DOCK7: variants seen among roughly 807,000 people sequenced by gnomAD.
DOCK7 encodes dedicator of cytokinesis 7, also known as dedicator of cytokinesis protein 7.
In DOCK7, 138 loss-of-function variants were observed where a neutral mutation model predicts 271.0. The ratio of observed to expected loss-of-function variants is 0.51; its 90% CI spans 0.44 to 0.59. The LOEUF is 0.59. DOCK7 is among the 20% of genes least tolerant of loss of function. The probability of loss-of-function intolerance (pLI) is 0.00; values close to 1 mark genes in which losing one functional copy is unlikely to be tolerated. For missense variants in DOCK7, 2,066 were observed against 2,592.4 expected (o/e 0.80, Z 4.41); for synonymous variants, 823 against 876.1 (o/e 0.94, Z 1.07).
intron 31 of DOCK7, among the ~76,000 whole-genome samples, chr1:62,520,897 T>A (rs974058493): frequency 6.6e-6 from 1 of 152,134 alleles, no homozygotes; most frequent in Non-Finnish European, 1.5e-5. Flanking sequence ...ATGTGGCACA[T>A]ACACACCATG....
chr1:62,493,226 C>G (rs888609124), intron 40 of DOCK7, among the ~76,000 whole-genome samples: 7 of 152,078 alleles, frequency 4.6e-5, no homozygotes, highest in Non-Finnish European at 7.4e-5. Context: ...CTTGACTTAT[C>G]TAATGTACAC....
At chr1:62,623,013 A>AC (rs538948142) in intron 12 of DOCK7, among the ~76,000 whole-genome samples, 40 of 151,838 alleles carry the variant, frequency 2.6e-4, no homozygotes, top group Non-Finnish European at 4.3e-4. Flanking sequence ...GGCTCAAGCG[A>AC]CCCCCCAGCC....
rs66892340 is a variant in DOCK7, at chr1:62,553,032, C to CTTT, written c.2597-134_2597-132dup. The CTTT allele has an allele frequency of 0.21, 34,988 of 166,876 alleles. 4,193 individuals carry two copies. The highest frequency in any genetic ancestry group is 0.32 in the African/African-American group (7,236 of 22,490). 10.3% of individuals were successfully genotyped at this position (166,876 alleles called of 1,614,324 possible). On this transcript the variant is annotated intron_variant, in intron 21 of 49. Coordinates refer to ENST00000635253, the MANE Select transcript of DOCK7 (RefSeq NM_001367561.1). ...CTTTGGTTTCTAAATAAAAAATATACTTTTTTTTTTTTTTTTTTTTTGAGA... is the reference window on the plus strand; with the variant it reads ...CTTTGGTTTCTAAATAAAAAATATACTTTTTTTTTTTTTTTTTTTTTTTTGAGA...
At chr1:62,609,642 C>T (rs1180000503) in intron 14 of DOCK7, 1 of 152,134 alleles carries the variant, frequency 6.6e-6, no homozygotes, top group Non-Finnish European at 1.5e-5. Flanking sequence ...ACAAACGCTT[C>T]CTAACTGAAC....
At chr1:62,542,409 C>T (rs534461123) in intron 25 of DOCK7, among the ~76,000 whole-genome samples, 199 bp downstream of exon 25, 2 of 152,244 alleles carry the variant, frequency 1.3e-5, no homozygotes, top group South Asian at 2.1e-4. Flanking sequence ...AAATGAGCCT[C>T]ACTCTTAATT....
intron 34 of DOCK7, among the ~76,000 whole-genome samples, chr1:62,509,471 A>C (rs1024002759): frequency 6.6e-6 from 1 of 152,130 alleles, no homozygotes; most frequent in Non-Finnish European, 1.5e-5. Flanking sequence ...CCCTCAAAAC[A>C]CAGCAAGATA....
intron 10 of DOCK7, 66 bp from the exon 11 acceptor site, chr1:62,631,471 T>C (rs1379762084): frequency 2.2e-6 from 3 of 1,359,070 alleles, no homozygotes; most frequent in Non-Finnish European, 3.0e-6. Context: ...GGCTATTTCA[T>C]ACTACATAAA....
chr1:62,569,982 G>A (rs1223946551), intron 18 of DOCK7, among the ~76,000 whole-genome samples: 3 of 152,122 alleles, frequency 2.0e-5, no homozygotes, highest in Non-Finnish European at 4.4e-5. Context: ...CTAAAGTGCT[G>A]GGATTATAGG....
chr1:62,597,065 T>C (rs1649365152), intron 14 of DOCK7, among the ~76,000 whole-genome samples: 1 of 152,160 alleles, frequency 6.6e-6, no homozygotes, highest in Admixed American at 6.6e-5. Flanking sequence ...TAACACCACC[T>C]GAGGGAGTGG....
In DOCK7 at chr1:62,540,903, T is replaced by A. The variant is rs567317332; in HGVS notation, c.3046-1011A>T. On this transcript the variant is annotated intron_variant, in intron 25 of 49. Transcript: ENST00000635253. ...CAGAGATGTACATGAATTACGAATTTAAGGTTTATTTTCTAGGAAAAAAAT... is the reference window on the plus strand; with the variant it reads ...CAGAGATGTACATGAATTACGAATTAAAGGTTTATTTTCTAGGAAAAAAAT... Among the ~76,000 whole-genome samples the A allele has an allele frequency of 2.9e-3, 446 of 152,216 alleles. 1 individual carries two copies. Among genetic ancestry groups the A allele is most frequent in the Non-Finnish European group, 5.4e-3 (365 of 68,014 alleles).
chr1:62,594,285 T>C (rs1371643647), intron 14 of DOCK7, among the ~76,000 whole-genome samples: 1 of 152,112 alleles, frequency 6.6e-6, no homozygotes, highest in East Asian at 1.9e-4. Flanking sequence ...TTCAATGCAT[T>C]TTCCCACGTT....
At chr1:62,547,175 T>C (rs1322717362) in intron 22 of DOCK7, among the ~76,000 whole-genome samples, 3 of 152,174 alleles carry the variant, frequency 2.0e-5, no homozygotes, top group African/African-American at 7.2e-5. Context: ...ATACTGATGT[T>C]CTGAACAGTT....
Position 62,505,785 on chromosome 1 carries a change from A to T in DOCK7, c.4508T>A (p.Ile1503Asn). 6.2e-7 allele frequency: 1 copy of T among 1,612,914 alleles called. No homozygotes were observed. The highest frequency in any genetic ancestry group is 1.1e-5 in the South Asian group (1 of 90,900). ...TVSVTESKESILGGVLKVLLH... is the reference protein window; with the variant it reads ...TVSVTESKESNLGGVLKVLLH... ...TAGCACTTTTAGCACTCCACCAAGA[A>T]TGCTCTCTTTGGATTCCGTTACAGA... The change falls in exon 36 of 50, where the codon ATT becomes AAT. Residue 1503 changes from isoleucine to asparagine, a missense_variant. Physicochemically the swap from Ile to Asn is moderately radical, Grantham distance 149. Around this residue, in one of 2 missense-constraint regions of DOCK7, gnomAD observed 652 missense variants for 922.1 expected, o/e 0.71. Transcript: ENST00000635253.
intron 2 of DOCK7, among the ~76,000 whole-genome samples, chr1:62,659,273 G>A (rs983697915): frequency 6.6e-6 from 1 of 152,082 alleles, no homozygotes; most frequent in Non-Finnish European, 1.5e-5. Flanking sequence ...ACAGGAGAGG[G>A]TAAAGGGATG....
intron 35 of DOCK7, among the ~76,000 whole-genome samples, chr1:62,506,071 A>G (rs1646927796): frequency 6.6e-6 from 1 of 152,176 alleles, no homozygotes; most frequent in African/African-American, 2.4e-5. Context: ...GCAAGAAATC[A>G]TAAGGTGTGT....
rs377442681 is a variant in DOCK7 at position 62,573,954 on chromosome 1, C to A, written c.2112+3308G>T. Among the ~76,000 whole-genome samples the A allele has an allele frequency of 5.9e-5, 9 of 151,846 alleles. No individual in the cohort carries two copies. The South Asian group carries it at 1.2e-3, about 21-fold the overall frequency. On this transcript the variant is annotated intron_variant, in intron 18 of 49. Transcript: ENST00000635253. ...ATTTTTACCATAATTTTTAAAAATC[C>A]TAATTTTATACAGTTACAAGGAAGA...
intron 29 of DOCK7, chr1:62,530,883 C>G (rs1645154224): frequency 6.6e-6 from 1 of 152,642 alleles, no homozygotes; most frequent in South Asian, 2.1e-4. Flanking sequence ...AGACACCTCC[C>G]CTGGCTCCTC....
rs1646240935 is a variant in DOCK7, at chr1:62,559,187, T to C, written c.2233A>G (p.Asn745Asp). ...GGGAACAGGTGTTCATCCAGAGCAT[T>C]GACCAGAGCAAAAAATTTGTCAAGA... ...PYLDKFFALV[N>D]ALDEHLFPVR... is the part of the protein sequence containing the mutation. The change falls in exon 20 of 50, where the codon AAT (asparagine) becomes GAT (aspartate). Residue 745 changes from asparagine to aspartate, a missense_variant. Coordinates refer to ENST00000635253, the MANE Select transcript of DOCK7 (RefSeq NM_001367561.1). The C allele has an allele frequency of 1.2e-6, 2 of 1,613,300 alleles. No individual in the cohort carries two copies. Among genetic ancestry groups the C allele is most frequent in the Non-Finnish European group, 1.7e-6 (2 of 1,179,506 alleles).
intron 33 of DOCK7, 95 bp downstream of exon 33, chr1:62,513,349 T>C (rs1041933281): frequency 2.8e-5 from 34 of 1,225,558 alleles, no homozygotes; most frequent in Non-Finnish European, 3.5e-5. Flanking sequence ...ACAGTTACAC[T>C]TAAAACACTT....
Sources: allele counts gnomAD v4.1 joint callset (sites outside exome capture counted in the v4.1 genomes callset), GRCh38; gene constraint gnomAD v4.1.1; regional missense constraint gnomAD v4.1.1; transcripts MANE v1.5; gene names NCBI Gene and HGNC (gene_info 2026-07-23, HGNC 2026-07-21).